SPRED1: variants seen among roughly 807,000 people sequenced by gnomAD.
SPRED1 encodes the protein sprouty-related, EVH1 domain-containing protein 1.
Under a neutral mutation model 52.3 loss-of-function variants are expected in SPRED1, and 18 were observed. The ratio of observed to expected loss-of-function variants is 0.34; its 90% CI spans 0.24 to 0.51. SPRED1 has a LOEUF of 0.51. Ranked by LOEUF, SPRED1 falls within the 20% of genes least tolerant of loss-of-function variation. The pLI, the probability that SPRED1 is intolerant of heterozygous loss-of-function variation, is 0.97. For missense variants in SPRED1, 485 were observed against 551.0 expected, an observed-to-expected ratio of 0.88 and a Z score of 1.20; for synonymous variants, 155 against 179.7, an observed-to-expected ratio of 0.86 and a Z score of 1.10.
intron 5 of SPRED1, among the ~76,000 whole-genome samples, chr15:38,340,659 A>G (rs1896010321): frequency 6.6e-6 from 1 of 152,002 alleles, no homozygotes; most frequent in Non-Finnish European, 1.5e-5. Flanking sequence ...CAGCCTCCCA[A>G]GTAGCTGGGA....
At chr15:38,303,108 C>T (rs1429685148) in intron 2 of SPRED1, among the ~76,000 whole-genome samples, 7 of 151,940 alleles carry the variant, frequency 4.6e-5, no homozygotes, top group Non-Finnish European at 8.8e-5. Flanking sequence ...CGCTTGAACC[C>T]GGGAGGCGTA....
intron 4 of SPRED1, among the ~76,000 whole-genome samples, chr15:38,338,415 A>G (rs1248662254): frequency 6.7e-6 from 1 of 149,218 alleles, no homozygotes; most frequent in Non-Finnish European, 1.5e-5. Flanking sequence ...GAAGTTTTCT[A>G]CTCTTCCCAA....
At chr15:38,254,744 A>G (rs1315694059) in intron 1 of SPRED1, among the ~76,000 whole-genome samples, 2 of 152,220 alleles carry the variant, frequency 1.3e-5, no homozygotes, top group Non-Finnish European at 2.9e-5. Flanking sequence ...GGATCACGTG[A>G]TCGCCTCCAT....
intron 1 of SPRED1, among the ~76,000 whole-genome samples, chr15:38,280,417 C>T (rs1894662865): frequency 6.6e-6 from 1 of 152,106 alleles, no homozygotes; most frequent in African/African-American, 2.4e-5. Context: ...TGCTTGTTTA[C>T]TCTTACACAT....
Position 38,354,296 on chromosome 15 carries a change from C to T in SPRED1, c.*2632C>T, listed in dbSNP as rs1249002637. 1 of 152,176 alleles carries T rather than the reference C, an allele frequency of 6.6e-6. No homozygotes were observed. Among genetic ancestry groups the T allele is most frequent in the Non-Finnish European group, 1.5e-5 (1 of 68,040 alleles). The allele number at this position is 152,176 out of a possible 1,614,324, so 9.4% of individuals were successfully genotyped here. A position where few individuals can be genotyped will look rare whatever the true frequency, so the allele number is the denominator to read the frequency against. ...GATTCGGCACTGCCAATTGGCTTTT[C>T]CTCTAAAACTTTTCTTTGTTTTTAT... is the stretch of plus-strand genomic sequence containing the variant. On this transcript the variant is annotated 3_prime_UTR_variant, in exon 7 of 7. Transcript: ENST00000299084.
chr15:38,279,272 A>T (rs911742228), intron 1 of SPRED1, among the ~76,000 whole-genome samples: 1 of 152,214 alleles, frequency 6.6e-6, no homozygotes, highest in African/African-American at 2.4e-5. Flanking sequence ...GAAGAATTCT[A>T]CCACATTTTC....
At chr15:38,346,324 A>G (rs1324882514) in intron 5 of SPRED1, among the ~76,000 whole-genome samples, 2 of 152,084 alleles carry the variant, frequency 1.3e-5, no homozygotes, top group Non-Finnish European at 2.9e-5. Context: ...AAAAAAAAAA[A>G]AAATCCTCTG....
At chr15:38,265,051 G>A (rs373558120) in intron 1 of SPRED1, among the ~76,000 whole-genome samples, 5 of 152,118 alleles carry the variant, frequency 3.3e-5, no homozygotes, top group Admixed American at 2.0e-4. Context: ...TAGCCTTTGG[G>A]TTCTCCATTC....
chr15:38,293,261 A>G (rs1250910164), intron 1 of SPRED1, among the ~76,000 whole-genome samples: 1 of 151,786 alleles, frequency 6.6e-6, no homozygotes, highest in Non-Finnish European at 1.5e-5. Flanking sequence ...CACTACGCCC[A>G]TCTAATTTTT....
At position 38,353,103 on chromosome 15, in the gene SPRED1, A is replaced by G. The variant is rs1248871519; in HGVS notation, c.*1439A>G. 1.3e-5 allele frequency: 2 copies of G among 152,420 alleles called. No homozygotes were observed. Among genetic ancestry groups the G allele is most frequent in the Non-Finnish European group, 2.9e-5 (2 of 67,908 alleles). The allele number at this position is 152,420 out of a possible 1,614,324, so 9.4% of individuals were successfully genotyped here. A position where few individuals can be genotyped will look rare whatever the true frequency, so the allele number is the denominator to read the frequency against. Reference sequence around the variant, plus strand: ...CTAACCAAGGAAAGGGTTCTTTAAGAACATTCCCTTAGAGGGATAAAGTTG... The same window carrying G: ...CTAACCAAGGAAAGGGTTCTTTAAGGACATTCCCTTAGAGGGATAAAGTTG... On this transcript the variant is annotated 3_prime_UTR_variant, in exon 7 of 7. Coordinates refer to ENST00000299084, the MANE Select transcript of SPRED1 (RefSeq NM_152594.3).
chr15:38,273,776 C>T (rs1399962652), intron 1 of SPRED1, among the ~76,000 whole-genome samples: 3 of 151,906 alleles, frequency 2.0e-5, no homozygotes, highest in Non-Finnish European at 2.9e-5. Context: ...CCAAACTGCC[C>T]GGATTTCTGA....
chr15:38,304,081 A>G (rs1566861206), intron 2 of SPRED1, among the ~76,000 whole-genome samples: 1 of 152,210 alleles, frequency 6.6e-6, no homozygotes. Context: ...CTTTCCAGTT[A>G]CTGTAGCCTA....
At chr15:38,261,677 C>G (rs1894209152) in intron 1 of SPRED1, among the ~76,000 whole-genome samples, 2 of 152,054 alleles carry the variant, frequency 1.3e-5, no homozygotes, top group Non-Finnish European at 2.9e-5. Flanking sequence ...GGGTTCACGC[C>G]TTTCTAACAG....
intron 1 of SPRED1, among the ~76,000 whole-genome samples, chr15:38,257,955 G>A (rs1717108270): frequency 6.6e-6 from 1 of 152,124 alleles, no homozygotes; most frequent in South Asian, 2.1e-4. Flanking sequence ...ACCCAGTTTG[G>A]GGAAATGATT....
chr15:38,310,154 T>TGTGTG (rs1566863248), intron 2 of SPRED1, among the ~76,000 whole-genome samples: 1 of 6,178 alleles, frequency 1.6e-4, no homozygotes, highest in Non-Finnish European at 6.2e-4. Context: ...TGTGTGTGTG[T>TGTGTG]TTGGAGACGA....
At chr15:38,287,864 A>C in intron 1 of SPRED1, among the ~76,000 whole-genome samples, 1 of 45,176 alleles carries the variant, frequency 2.2e-5, no homozygotes, top group Admixed American at 2.4e-4. Flanking sequence ...ACCGAGGAAC[A>C]ACTGTAGCCT....
At chr15:38,332,994 G>T (rs1172648877) in intron 4 of SPRED1, among the ~76,000 whole-genome samples, 2 of 152,074 alleles carry the variant, frequency 1.3e-5, no homozygotes, top group Non-Finnish European at 2.9e-5. Context: ...TTTTATAAGG[G>T]CACTAATCAC....
chr15:38,265,191 A>C (rs1204567755), intron 1 of SPRED1, among the ~76,000 whole-genome samples: 1 of 152,210 alleles, frequency 6.6e-6, no homozygotes, highest in African/African-American at 2.4e-5. Flanking sequence ...GGCAAATAAC[A>C]TAACCTGTCT....
intron 1 of SPRED1, among the ~76,000 whole-genome samples, chr15:38,266,495 A>C (rs1287142198): frequency 6.6e-6 from 1 of 152,050 alleles, no homozygotes; most frequent in Non-Finnish European, 1.5e-5. Context: ...CAAAAAAATT[A>C]TCCAGGCATG....
Sources: gnomAD v4.1 joint callset for allele counts (sites outside exome capture counted in the v4.1 genomes callset) on GRCh38, gnomAD v4.1.1 for gene constraint, MANE v1.5 for transcripts, NCBI Gene and HGNC (gene_info 2026-07-23, HGNC 2026-07-21) for gene names.